ALPK2: variants seen among roughly 807,000 people sequenced by gnomAD.
ALPK2 encodes alpha kinase 2, also known as alpha-protein kinase 2.
ALPK2 carries 127 observed loss-of-function variants against 163.1 expected under a neutral mutation model. The ratio of observed to expected loss-of-function variants is 0.78; its 90% CI spans 0.67 to 0.90. ALPK2 has a LOEUF of 0.90. Among genes scored for constraint, ALPK2 ranks in the 40% least tolerant of loss-of-function variants. ALPK2 has a pLI of 0.00. For missense variants in ALPK2, 2,360 were observed against 2,589.6 expected, an observed-to-expected ratio of 0.91 and a Z score of 1.92; for synonymous variants, 953 against 959.1, an observed-to-expected ratio of 0.99 and a Z score of 0.12.
At chr18:58,515,202 C>T (rs1278316999) in intron 9 of ALPK2, 121 bp from the exon 10 acceptor site, 1 of 706,960 alleles carries the variant, frequency 1.4e-6, no homozygotes, top group Non-Finnish European at 2.2e-6. Flanking sequence ...CAAGCCCATC[C>T]CCTGGTTGGG....
intron 10 of ALPK2, among the ~76,000 whole-genome samples, chr18:58,512,743 T>C (rs1478059232): frequency 6.0e-5 from 4 of 66,294 alleles, no homozygotes; most frequent in Non-Finnish European, 1.8e-4. Context: ...GTGTGTTATG[T>C]GGTGTGTGTT....
In ALPK2 at chr18:58,510,961, G is replaced by A. The variant is rs530728985; in HGVS notation, c.6029+4032C>T. 5.9e-5 allele frequency among the ~76,000 whole-genome samples: 9 copies of A among 152,292 alleles called. 1 individual carries two copies. The South Asian group carries it at 1.0e-3, about 18-fold the overall frequency. On this transcript the variant is annotated intron_variant, in intron 10 of 12. Transcript: ENST00000361673. ...GTGAGAGAGGGCGTCCCTGTCTTATGCCAGTTTTCAAAGGGAATGCTTCCA... is the reference window on the plus strand; with the variant it reads ...GTGAGAGAGGGCGTCCCTGTCTTATACCAGTTTTCAAAGGGAATGCTTCCA...
chr18:58,553,864 T>G (rs1440498568), intron 4 of ALPK2, among the ~76,000 whole-genome samples: 5 of 127,804 alleles, frequency 3.9e-5, no homozygotes, highest in African/African-American at 1.2e-4. Flanking sequence ...TTTTTTTTTT[T>G]TTTTTTTTTT....
chr18:58,483,752 A>G (rs1332514615), intron 12 of ALPK2, among the ~76,000 whole-genome samples: 2 of 147,772 alleles, frequency 1.4e-5, no homozygotes, highest in African/African-American at 5.1e-5. Flanking sequence ...TTAAGTAGAG[A>G]CAGGGCTTCA....
intron 4 of ALPK2, among the ~76,000 whole-genome samples, chr18:58,565,731 GTTCCTTCCTTCCTTCC>G (rs74183271): frequency 0.013 from 1,962 of 145,876 alleles, 43 homozygotes; most frequent in African/African-American, 0.047. Flanking sequence ...TCTCTTTTTT[GTTCCTTCCTTCCTTCC>G]TTCCTTCCTT....
chr18:58,493,688 T>C (rs1256693994), intron 12 of ALPK2, among the ~76,000 whole-genome samples: 1 of 152,144 alleles, frequency 6.6e-6, no homozygotes, highest in Non-Finnish European at 1.5e-5. Context: ...TCATCCAGGC[T>C]TCTGTCCAGG....
intron 9 of ALPK2, 79 bp from the exon 10 acceptor site, chr18:58,515,160 GA>G: frequency 9.0e-7 from 1 of 1,115,074 alleles, no homozygotes; most frequent in Non-Finnish European, 1.3e-6. Context: ...CTATTCAGGA[GA>G]TTTCCCAGTA....
chr18:58,616,383 A>T (rs1386712489), intron 1 of ALPK2, among the ~76,000 whole-genome samples: 1 of 152,152 alleles, frequency 6.6e-6, no homozygotes, highest in Non-Finnish European at 1.5e-5. Flanking sequence ...CCCTTATTCC[A>T]AAAGACCCTC....
chr18:58,568,679 T>C (rs1268002848), intron 4 of ALPK2, among the ~76,000 whole-genome samples: 1 of 152,220 alleles, frequency 6.6e-6, no homozygotes, highest in African/African-American at 2.4e-5. Flanking sequence ...CTTTACTGAA[T>C]GTGTACAGAC....
In ALPK2 at chr18:58,535,745, TG is replaced by T; in HGVS notation, c.4441del (p.Gln1481LysfsTer30). On this transcript the variant is annotated frameshift_variant, in exon 5 of 13. Coordinates refer to ENST00000361673, the MANE Select transcript of ALPK2 (RefSeq NM_052947.4). ...QEGSMKQEAE[Q>X]IQPEEAKTAI... The stretch of plus-strand genomic sequence containing the variant: ...AGTTTTTGCCTCCTCAGGTTGAATT[TG>T]TTCAGCCTCCTGCTTCATACTGCCT... The T allele has an allele frequency of 2.5e-6, 4 of 1,614,232 alleles. No homozygotes were observed. Among genetic ancestry groups the T allele is most frequent in the Non-Finnish European group, 3.4e-6 (4 of 1,180,034 alleles).
chr18:58,508,104 T>C (rs999710544), intron 10 of ALPK2, among the ~76,000 whole-genome samples: 2 of 152,190 alleles, frequency 1.3e-5, no homozygotes, highest in Non-Finnish European at 2.9e-5. Context: ...CTTGTGGCCT[T>C]CACCCAGGAA....
chr18:58,621,614 G>A (rs963817217), intron 1 of ALPK2, among the ~76,000 whole-genome samples: 2 of 152,052 alleles, frequency 1.3e-5, no homozygotes, highest in Non-Finnish European at 2.9e-5. Flanking sequence ...GGAGGAGGAG[G>A]AGAAAAGAAT....
At chr18:58,621,815 C>G (rs2052201961) in intron 1 of ALPK2, among the ~76,000 whole-genome samples, 1 of 152,190 alleles carries the variant, frequency 6.6e-6, no homozygotes, top group Non-Finnish European at 1.5e-5. Flanking sequence ...TAAAAGCTAA[C>G]TTTTCAATAT....
Position 58,535,636 on chromosome 18 carries a change from A to T in ALPK2, c.4551T>A (p.Ser1517Arg), listed in dbSNP as rs996682618. 6.2e-7 allele frequency: 1 copy of T among 1,614,030 alleles called. No individual in the cohort carries two copies. The highest frequency in any genetic ancestry group is 1.1e-5 in the South Asian group (1 of 91,088). ...GCSIGQIQES[S>R]DGSLGEAEQS... is the part of the protein sequence containing the mutation. ...GCTCAGCCTCCCCTAAGCTCCCATCACTGCTTTCTTGTATTTGGCCTATGC... is the reference window on the plus strand; with the variant it reads ...GCTCAGCCTCCCCTAAGCTCCCATCTCTGCTTTCTTGTATTTGGCCTATGC... Residue 1517 changes from serine to arginine, a missense_variant, in exon 5 of 13, where the codon AGT becomes AGA. Ser to Arg is a moderately radical substitution (Grantham distance 110). Transcript: ENST00000361673.
chr18:58,536,073 CATT>C lies in ALPK2; in HGVS notation c.4111_4113del (p.Asn1371del). ...TGTTTTTCCTCCTGGTCTTGACTCACATTGTTAACATTTTCCTTCCCTCCAGTT... is the reference window on the plus strand; with the variant it reads ...TGTTTTTCCTCCTGGTCTTGACTCACGTTAACATTTTCCTTCCCTCCAGTT... On this transcript the variant is annotated inframe_deletion, in exon 5 of 13. Transcript: ENST00000361673. 6.2e-7 allele frequency: 1 copy of C among 1,614,188 alleles called. No homozygotes were observed. The highest frequency in any genetic ancestry group is 8.5e-7 in the Non-Finnish European group (1 of 1,180,028).
rs535178262 is a variant in ALPK2, at chr18:58,569,002, C to G, written c.1962+9812G>C. ...GCCAAGGCAAGAGAATCACTTGGGG[C>G]CAGGAGTTCGAGACCATCCTGGGCA... On this transcript the variant is annotated intron_variant, in intron 4 of 12. Transcript: ENST00000361673. Among the ~76,000 whole-genome samples, 25 of 152,144 alleles carry G rather than the reference C, an allele frequency of 1.6e-4. 1 individual carries two copies. The South Asian group carries it at 2.3e-3, about 14-fold the overall frequency.
intron 4 of ALPK2, chr18:58,578,224 T>A (rs1328077710): frequency 6.6e-6 from 1 of 152,162 alleles, no homozygotes; most frequent in Non-Finnish European, 1.5e-5. Context: ...AAACATCCAA[T>A]CAAAAACATC....
chr18:58,572,859 A>G (rs1275204130), intron 4 of ALPK2, among the ~76,000 whole-genome samples: 1 of 152,218 alleles, frequency 6.6e-6, no homozygotes, highest in Non-Finnish European at 1.5e-5. Context: ...ATACACACAT[A>G]CGAGTACAAC....
intron 1 of ALPK2, among the ~76,000 whole-genome samples, chr18:58,612,943 C>T (rs949129314): frequency 5.9e-5 from 9 of 152,026 alleles, no homozygotes; most frequent in East Asian, 1.9e-4. Flanking sequence ...AGGGAAGGGG[C>T]GGTTAGGAAC....
Sources: allele counts gnomAD v4.1 joint callset (sites outside exome capture counted in the v4.1 genomes callset), GRCh38; gene constraint gnomAD v4.1.1; transcripts MANE v1.5; gene names NCBI Gene and HGNC (gene_info 2026-07-23, HGNC 2026-07-21).